Variants in NOB1 observed in about 807,000 individuals in gnomAD.
NOB1 encodes RNA-binding protein NOB1.
NOB1 carries 44 observed loss-of-function variants against 44.8 expected under a neutral mutation model. That is an observed-to-expected ratio of 0.98 (90% CI 0.77 to 1.26). NOB1 has a LOEUF of 1.26. Ranked by LOEUF, NOB1 falls within the 50% of genes most tolerant of loss-of-function variation. The probability of loss-of-function intolerance (pLI) is 0.00; values close to 1 mark genes in which losing one functional copy is unlikely to be tolerated. For synonymous variants in NOB1, 238 were observed against 218.7 expected (o/e 1.09, Z -0.78); for missense variants, 560 against 544.8 (o/e 1.03, Z -0.28).
At position 69,748,311 on chromosome 16, in the gene NOB1, C is replaced by T; in HGVS notation, c.745G>A (p.Gly249Arg). The T allele has an allele frequency of 6.2e-7, 1 of 1,613,724 alleles. No homozygotes were observed. Among genetic ancestry groups the T allele is most frequent in the Non-Finnish European group, 8.5e-7 (1 of 1,179,742 alleles). Residue 249 changes from glycine (G) to arginine (R), a missense_variant, in exon 7 of 9, where the codon GGG becomes AGG. Coordinates refer to ENST00000268802, the MANE Select transcript of NOB1 (RefSeq NM_014062.3). Reference sequence around the variant, plus strand: ...CCGTTCACCGCCAGCACGTGCAGCCCCATCTGCAGCAGAACATTCTACAAC... The same window carrying T: ...CCGTTCACCGCCAGCACGTGCAGCCTCATCTGCAGCAGAACATTCTACAAC... ...FAMQNVLLQM[G>R]LHVLAVNGML... is the part of the protein sequence containing the mutation.
intron 2 of NOB1, among the ~76,000 whole-genome samples, chr16:69,753,466 A>G (rs989398755): frequency 6.6e-6 from 1 of 152,230 alleles, no homozygotes; most frequent in Non-Finnish European, 1.5e-5. Flanking sequence ...TTCCTAAAAA[A>G]CAGACATTAG....
At chr16:69,742,808 G>A (rs148154521) in intron 8 of NOB1, among the ~76,000 whole-genome samples, 1,892 of 152,074 alleles carry the variant, frequency 0.012, 14 homozygotes, top group Non-Finnish European at 0.017. Flanking sequence ...AACCGAACAC[G>A]GTATTTTGAC....
At chr16:69,746,832 G>A (rs988109934) in intron 7 of NOB1, among the ~76,000 whole-genome samples, 3 of 151,808 alleles carry the variant, frequency 2.0e-5, no homozygotes, top group South Asian at 2.1e-4. Flanking sequence ...GCTTGAACCC[G>A]GGAGGCAGAG....
intron 8 of NOB1, among the ~76,000 whole-genome samples, chr16:69,743,675 G>A (rs1310432586): frequency 2.0e-5 from 3 of 152,104 alleles, no homozygotes; most frequent in Admixed American, 1.3e-4. Context: ...GGTCATCTAC[G>A]ACAAAAGACT....
chr16:69,742,630 G>C, intron 8 of NOB1, 29 bp from the exon 9 acceptor site: 1 of 1,609,596 alleles, frequency 6.2e-7, no homozygotes, highest in South Asian at 1.1e-5. Context: ...AGGGCCATTA[G>C]AAGAAGGGGA....
chr16:69,746,251 C>T (rs1266335141), intron 7 of NOB1, among the ~76,000 whole-genome samples: 3 of 152,236 alleles, frequency 2.0e-5, no homozygotes, highest in Non-Finnish European at 2.9e-5. Flanking sequence ...AGTTCCTCAT[C>T]GGCCTCTACA....
Position 69,749,062 on chromosome 16 carries a change from A to C in NOB1, c.582T>G (p.Phe194Leu). The C allele has an allele frequency of 6.2e-7, 1 of 1,614,186 alleles. No homozygotes were observed. Among genetic ancestry groups the C allele is most frequent in the Non-Finnish European group, 8.5e-7 (1 of 1,180,044 alleles). ...SEEEEEEENG[F>L]EDRKDDSDDD... is the part of the protein sequence containing the mutation. The stretch of plus-strand genomic sequence containing the variant: ...CATCGCTGTCATCTTTTCTGTCTTC[A>C]AACCCGTTTTCTTCCTCCTCCTCCT... Residue 194 changes from phenylalanine (F) to leucine (L), a missense_variant, in exon 6 of 9, where the codon TTT becomes TTG. By Grantham distance (22) the Phe-to-Leu change is conservative. Transcript: ENST00000268802.
At position 69,749,120 on chromosome 16, in the gene NOB1, T is replaced by G. The variant is rs1200057003; in HGVS notation, c.526-2A>C. 6.8e-6 allele frequency: 11 copies of G among 1,614,218 alleles called. No homozygotes were observed. In the South Asian group the frequency reaches 8.8e-5, roughly 13 times the overall value. On this transcript the variant is annotated splice_acceptor_variant, in intron 5 of 8. Coordinates refer to ENST00000268802, the MANE Select transcript of NOB1 (RefSeq NM_014062.3). LOFTEE classifies it high-confidence loss of function. ...TGGAACGTCCTCACCTCTGTCAATC[T>G]GAAACATCAACAGACCTTTCAAACT...
At position 69,754,687 on chromosome 16, in the gene NOB1, T is replaced by C. The variant is rs1421005354; in HGVS notation, c.103A>G (p.Thr35Ala). Residue 35 changes from threonine (T) to alanine (A), a missense_variant, in exon 2 of 9, where the codon ACT (threonine) becomes GCT (alanine). Transcript: ENST00000268802. ...KNIYTIREVV[T>A]EIRDKATRRR... ...CGTGTGGCCTTGTCCCGAATCTCAG[T>C]GACCACCTCCCGGATGGTGTAAATG... is the stretch of plus-strand genomic sequence containing the variant. 2.5e-6 allele frequency: 4 copies of C among 1,614,100 alleles called. No homozygotes were observed. The highest frequency in any genetic ancestry group is 3.4e-6 in the Non-Finnish European group (4 of 1,180,046).
At chr16:69,744,783 T>C (rs1223456528) in intron 8 of NOB1, 90 bp downstream of exon 8, 1 of 1,439,870 alleles carries the variant, frequency 6.9e-7, no homozygotes, top group South Asian at 1.3e-5. Flanking sequence ...ATCGCCCATC[T>C]TGCAGAAACG....
chr16:69,752,268 C>A lies in NOB1; in HGVS notation c.300G>T (p.Val100=), dbSNP rs760443971. The A allele has an allele frequency of 3.1e-6, 5 of 1,612,560 alleles. No individual in the cohort carries two copies. Among genetic ancestry groups the A allele is most frequent in the African/African-American group, 1.3e-5 (1 of 75,012 alleles). The change falls in exon 3 of 9, where the codon GTG becomes GTT. Residue 100 remains valine (V), a synonymous_variant. Coordinates refer to ENST00000268802, the MANE Select transcript of NOB1 (RefSeq NM_014062.3). The part of the protein sequence containing the change: ...TYQLEAEFVG[V]SHLKQEPQKV... The stretch of plus-strand genomic sequence containing the variant: ...TCTGTGGTTCTTGTTTTAGGTGAGA[C>A]ACCCCAACAAACTCTGCTTCCAACT...
At position 69,746,030 on chromosome 16, in the gene NOB1, C is replaced by T. The variant is rs564080055; in HGVS notation, c.825-1013G>A. 1.3e-3 allele frequency among the ~76,000 whole-genome samples: 192 copies of T among 152,318 alleles called. 4 individuals carry two copies. In the South Asian group the frequency reaches 0.016, roughly 13 times the overall value. On this transcript the variant is annotated intron_variant, in intron 7 of 8. Coordinates refer to ENST00000268802, the MANE Select transcript of NOB1 (RefSeq NM_014062.3). Reference sequence around the variant, plus strand: ...AGGAGCTTTACTATCATGAGCCTGACGCAGCAAAGGGACGTAAAGCTTCAG... The same window carrying T: ...AGGAGCTTTACTATCATGAGCCTGATGCAGCAAAGGGACGTAAAGCTTCAG...
chr16:69,745,033 G>C lies in NOB1; in HGVS notation c.825-16C>G. The C allele has an allele frequency of 6.2e-7, 1 of 1,613,910 alleles. No homozygotes were observed. Among genetic ancestry groups the C allele is most frequent in the East Asian group, 2.2e-5 (1 of 44,878 alleles). ...AGACGTTGTCCTGGGAGACACAAAAGGAGATGATCTGTACCAAAGCCACAG... is the reference window on the plus strand; with the variant it reads ...AGACGTTGTCCTGGGAGACACAAAACGAGATGATCTGTACCAAAGCCACAG... On this transcript the variant is annotated splice_polypyrimidine_tract_variant and intron_variant, in intron 7 of 8. Transcript: ENST00000268802.
chr16:69,749,180 C>T, intron 5 of NOB1, 33 bp downstream of exon 5: 1 of 1,613,040 alleles, frequency 6.2e-7, no homozygotes, highest in Non-Finnish European at 8.5e-7. Context: ...AGAAGTTGAG[C>T]TGTCGTCAGA....
At chr16:69,753,607 T>C (rs1315872254) in intron 2 of NOB1, among the ~76,000 whole-genome samples, 2 of 152,194 alleles carry the variant, frequency 1.3e-5, no homozygotes, top group Non-Finnish European at 2.9e-5. Context: ...ATTTAGTAAG[T>C]TGGCAAAGAT....
chr16:69,750,440 C>T (rs1255949771), intron 3 of NOB1, among the ~76,000 whole-genome samples: 1 of 152,054 alleles, frequency 6.6e-6, no homozygotes, highest in Admixed American at 6.6e-5. Context: ...CCAGCCTGGA[C>T]AAAAGTGACA....
rs1230946335 is a variant in NOB1, at chr16:69,754,874, C to T, written c.37G>A (p.Ala13Thr). The T allele has an allele frequency of 2.6e-5, 41 of 1,597,150 alleles. No homozygotes were observed. Among genetic ancestry groups the T allele is most frequent in the Non-Finnish European group, 3.4e-5 (40 of 1,173,176 alleles). Residue 13 changes from alanine to threonine, a missense_variant, in exon 1 of 9, where the codon GCT becomes ACT. Transcript: ENST00000268802. ...PVEHVVADAG[A>T]FLRHAALQDI... ...TGCAGAGCCGCATGCCGCAGGAAAG[C>T]CCCAGCATCCGCCACAACGTGCTCC...
At chr16:69,747,222 CA>C (rs35257586) in intron 7 of NOB1, among the ~76,000 whole-genome samples, 265 of 78,610 alleles carry the variant, frequency 3.4e-3, no homozygotes, top group Middle Eastern at 9.1e-3. Flanking sequence ...ACCCTGTCTC[CA>C]AAAAAAAAAA....
intron 7 of NOB1, among the ~76,000 whole-genome samples, chr16:69,746,079 G>A (rs1303902304): frequency 6.6e-6 from 1 of 152,260 alleles, no homozygotes; most frequent in East Asian, 1.9e-4. Flanking sequence ...CCGCTCTGAG[G>A]AGTGGCTGGC....
Sources: gnomAD v4.1 joint callset for allele counts (sites outside exome capture counted in the v4.1 genomes callset) on GRCh38, gnomAD v4.1.1 for gene constraint, MANE v1.5 for transcripts, NCBI Gene and HGNC (gene_info 2026-07-23, HGNC 2026-07-21) for gene names.